Variants in TACC3 observed in about 807,000 individuals in gnomAD.
The protein encoded by TACC3 is transforming acidic coiled-coil containing protein 3.
A neutral mutation model predicts 86.0 loss-of-function variants in TACC3; 52 were observed. The observed-to-expected ratio is 0.60, with a 90% CI of 0.48 to 0.76. The LOEUF (loss-of-function observed/expected upper bound fraction) is 0.76, where lower values mean the gene tolerates loss of function less well. Ranked by LOEUF, TACC3 falls within the 30% of genes least tolerant of loss-of-function variation. The probability of loss-of-function intolerance (pLI) is 0.00; values close to 1 mark genes in which losing one functional copy is unlikely to be tolerated. For synonymous variants in TACC3, 512 were observed against 430.0 expected (o/e 1.19, Z -2.36); for missense variants, 1,120 against 1,070.4 (o/e 1.05, Z -0.65).
rs1382036738 is a variant in TACC3 at position 1,723,434 on chromosome 4, G to A, written c.13G>A (p.Val5Ile). 1.2e-6 allele frequency: 2 copies of A among 1,613,178 alleles called. No individual in the cohort carries two copies. Among genetic ancestry groups the A allele is most frequent in the African/African-American group, 1.3e-5 (1 of 74,892 alleles). Residue 5 changes from valine to isoleucine, a missense_variant, in exon 2 of 16, where the codon GTC (valine) becomes ATC (isoleucine). Val to Ile is a conservative substitution (Grantham distance 29, BLOSUM62 3). Coordinates refer to ENST00000313288, the MANE Select transcript of TACC3 (RefSeq NM_006342.3). ...CTGCTTTTCCAGAATGAGTCTGCAG[G>A]TCTTAAACGACAAAAATGTCAGCAA... MSLQ[V>I]LNDKNVSNEK... is the part of the protein sequence containing the mutation.
rs1217649990 is a variant in TACC3, at chr4:1,728,635, T to C, written c.1233T>C (p.Asp411=). The change falls in exon 4 of 16, where the codon GAT becomes GAC. Residue 411 remains aspartate, a synonymous_variant. Transcript: ENST00000313288. The part of the protein sequence containing the change: ...GSYHLDWDKM[D]DPNFIPFGGD... ...ACCACCTCGACTGGGACAAAATGGA[T>C]GACCCAAACTTCATCCCGTTCGGAG... The C allele has an allele frequency of 6.2e-6, 10 of 1,613,846 alleles. No individual in the cohort carries two copies. The highest frequency in any genetic ancestry group is 1.1e-5 in the South Asian group (1 of 91,080).
chr4:1,743,224 A>G (rs1344435460), intron 13 of TACC3, among the ~76,000 whole-genome samples: 2 of 134,144 alleles, frequency 1.5e-5, no homozygotes, highest in Non-Finnish European at 3.1e-5. Context: ...CCATCACACT[A>G]TGGCCTGGCG....
At chr4:1,738,991 C>G (rs1380951701) in intron 10 of TACC3, among the ~76,000 whole-genome samples, 3 of 151,988 alleles carry the variant, frequency 2.0e-5, no homozygotes, top group African/African-American at 7.3e-5. Flanking sequence ...GCGAAGAGAA[C>G]CAGGAATTTT....
intron 4 of TACC3, chr4:1,730,683 C>T (rs17680831): frequency 0.22 from 156,773 of 713,082 alleles, 18,444 homozygotes; most frequent in Non-Finnish European, 0.26. Flanking sequence ...AGGCAAGGCG[C>T]GTGTTTTCCT....
Position 1,727,927 on chromosome 4 carries a change from T to C in TACC3, c.525T>C (p.Ser175=), listed in dbSNP as rs1407663130. 2.5e-6 allele frequency: 4 copies of C among 1,613,966 alleles called. No homozygotes were observed. Among genetic ancestry groups the C allele is most frequent in the Non-Finnish European group, 2.5e-6 (3 of 1,180,036 alleles). Residue 175 remains serine (S), a synonymous_variant, in exon 4 of 16, where the codon TCT becomes TCC. Transcript: ENST00000313288. The part of the protein sequence containing the change: ...ENQMVSPGKV[S]GSPEQAVEEN... ...AAATGGTGTCTCCAGGAAAAGTGTC[T>C]GGCAGCCCTGAGCAAGCCGTGGAGG...
At chr4:1,741,251 T>C (rs1348010108) in intron 13 of TACC3, 2 of 334,380 alleles carry the variant, frequency 6.0e-6, no homozygotes, top group African/African-American at 2.1e-5. Flanking sequence ...GACTCGGCTA[T>C]GATCAGGCAT....
At chr4:1,742,457 C>G (rs1210316069) in intron 13 of TACC3, among the ~76,000 whole-genome samples, 2 of 152,248 alleles carry the variant, frequency 1.3e-5, no homozygotes, top group African/African-American at 2.4e-5. Flanking sequence ...CACATCTAAT[C>G]CCATCTTGGA....
upstream of TACC3, chr4:1,720,798 C>G (rs776709848): frequency 1.8e-5 from 28 of 1,595,674 alleles, no homozygotes; most frequent in East Asian, 6.2e-4. The surrounding 1 kb of genome is among the most constrained non-coding windows in gnomAD (Gnocchi z 4.4). Context: ...ACGGCGAACA[C>G]CAGATAGGCG....
chr4:1,734,674 CCTTTT>C (rs1400833785), intron 6 of TACC3, among the ~76,000 whole-genome samples: 1 of 151,998 alleles, frequency 6.6e-6, no homozygotes, highest in Non-Finnish European at 1.5e-5. Flanking sequence ...GTATGAGGCA[CCTTTT>C]CTTTTTTTTT....
At position 1,724,319 on chromosome 4, in the gene TACC3, T is replaced by C. The variant is rs574866182; in HGVS notation, c.305+449T>C. ...AAATCTGCACTGAGTGTATGCAGCATATGGCCAGTTCACTAACAGAAAAGT... is the reference window on the plus strand; with the variant it reads ...AAATCTGCACTGAGTGTATGCAGCACATGGCCAGTTCACTAACAGAAAAGT... On this transcript the variant is annotated intron_variant, in intron 3 of 15. Coordinates refer to ENST00000313288, the MANE Select transcript of TACC3 (RefSeq NM_006342.3). 7.3e-5 allele frequency among the ~76,000 whole-genome samples: 11 copies of C among 151,232 alleles called. 1 individual carries two copies. The highest frequency in any genetic ancestry group is 2.7e-4 in the African/African-American group (11 of 41,136).
At chr4:1,741,046 C>T in intron 13 of TACC3, 60 bp downstream of exon 13, 1 of 1,514,668 alleles carries the variant, frequency 6.6e-7, no homozygotes, top group Non-Finnish European at 8.9e-7. Flanking sequence ...TGGTCCAAGC[C>T]AGCGGGGCTA....
intron 13 of TACC3, among the ~76,000 whole-genome samples, chr4:1,743,454 G>A (rs1232554907): frequency 6.6e-6 from 1 of 152,088 alleles, no homozygotes; most frequent in Non-Finnish European, 1.5e-5. Flanking sequence ...TTGTGAGGCT[G>A]AGGCAGGAGA....
intron 6 of TACC3, among the ~76,000 whole-genome samples, chr4:1,732,933 C>T (rs552379158): frequency 6.6e-6 from 1 of 152,344 alleles, no homozygotes; most frequent in East Asian, 1.9e-4. Context: ...ATGTATTCTT[C>T]CATTTCTCCT....
At position 1,737,323 on chromosome 4, in the gene TACC3, A is replaced by G; in HGVS notation, c.1831A>G (p.Ile611Val). The G allele has an allele frequency of 6.2e-7, 1 of 1,613,988 alleles. No homozygotes were observed. Among genetic ancestry groups the G allele is most frequent in the Non-Finnish European group, 8.5e-7 (1 of 1,179,930 alleles). Reference sequence around the variant, plus strand: ...GTTCGATTTCTTGGGAGCACTGGACATTCCTGTAAGTCCTTGAGTCCCTCT... The same window carrying G: ...GTTCGATTTCTTGGGAGCACTGGACGTTCCTGTAAGTCCTTGAGTCCCTCT... ...VEFDFLGALD[I>V]PVPGPPPGVP... The change falls in exon 9 of 16, where the codon ATT becomes GTT. Residue 611 changes from isoleucine to valine, a missense_variant. Coordinates refer to ENST00000313288, the MANE Select transcript of TACC3 (RefSeq NM_006342.3).
chr4:1,739,502 C>G, intron 10 of TACC3, 200 bp from the exon 11 acceptor site: 1 of 594,742 alleles, frequency 1.7e-6, no homozygotes, highest in Admixed American at 3.0e-5. Flanking sequence ...CCTCCTGCCC[C>G]CTGGCAGTCG....
Position 1,728,508 on chromosome 4 carries a change from A to C in TACC3, c.1106A>C (p.Lys369Thr). ...TCCGGCCTCAAGCCTCCCTTGAGGA[A>C]AGCAGCAGTGAGGCAGCAAAAGGCC... ...ERSGLKPPLRKAAVRQQKAPQ... is the reference protein window; with the variant it reads ...ERSGLKPPLRTAAVRQQKAPQ... Residue 369 changes from lysine (K) to threonine (T), a missense_variant, in exon 4 of 16, where the codon AAA becomes ACA. Physicochemically the swap from Lys to Thr is moderately conservative, Grantham distance 78. Transcript: ENST00000313288. 1 of 1,614,014 alleles carries C rather than the reference A, an allele frequency of 6.2e-7. No homozygotes were observed. The highest frequency in any genetic ancestry group is 8.5e-7 in the Non-Finnish European group (1 of 1,179,996).
In TACC3 at chr4:1,739,954, C is replaced by G. The variant is rs373476777; in HGVS notation, c.2019-5C>G. On this transcript the variant is annotated splice_region_variant and splice_polypyrimidine_tract_variant and intron_variant, in intron 11 of 15. Coordinates refer to ENST00000313288, the MANE Select transcript of TACC3 (RefSeq NM_006342.3). ...AATGGCTGTGTGTCTGTTCTCCTCC[C>G]ACAGGAAGATCATGGACAGGTTCGA... is the stretch of plus-strand genomic sequence containing the variant. The G allele has an allele frequency of 6.2e-7, 1 of 1,613,204 alleles. No homozygotes were observed. The highest frequency in any genetic ancestry group is 1.1e-5 in the South Asian group (1 of 91,084).
rs561966100 is a variant in TACC3, at chr4:1,734,680, C to CT, written c.1592-584dup. ...TTGTATGTGGTATGAGGCACCTTTT[C>CT]TTTTTTTTTGCAACAGTTTTCCCTC... On this transcript the variant is annotated intron_variant, in intron 6 of 15. Transcript: ENST00000313288. Among the ~76,000 whole-genome samples, 92 of 151,046 alleles carry CT rather than the reference C, an allele frequency of 6.1e-4. 1 individual carries two copies. Among genetic ancestry groups the CT allele is most frequent in the South Asian group, 5.9e-3 (28 of 4,774 alleles).
intron 12 of TACC3, chr4:1,740,605 A>C: frequency 2.0e-6 from 1 of 494,318 alleles, no homozygotes; most frequent in East Asian, 3.6e-5. Flanking sequence ...CCCAGGCTCC[A>C]GTTCCCTGCG....
Sources: gnomAD v4.1 joint callset for allele counts (sites outside exome capture counted in the v4.1 genomes callset) on GRCh38, gnomAD v4.1.1 for gene constraint, Gnocchi (gnomAD v3.1) non-coding constraint, MANE v1.5 for transcripts, NCBI Gene and HGNC (gene_info 2026-07-23, HGNC 2026-07-21) for gene names.